The following CDH4 variants were observed in gnomAD, a reference collection of about 807,000 sequenced individuals.
The protein encoded by CDH4 is cadherin-4.
Under a neutral mutation model 86.0 loss-of-function variants are expected in CDH4, and 33 were observed. That is an observed-to-expected ratio of 0.38 (90% confidence interval 0.29 to 0.51). The LOEUF (loss-of-function observed/expected upper bound fraction) is 0.51. Among genes scored for constraint, CDH4 ranks in the 20% least tolerant of loss-of-function variants. The pLI is 0.86. For synonymous variants in CDH4, 555 were observed against 549.4 expected, an observed-to-expected ratio of 1.01 and a Z score of -0.14; for missense variants, 1,114 against 1,307.4, an observed-to-expected ratio of 0.85 and a Z score of 2.28.
At chr20:61,352,752 T>TC (rs1359057713) in intron 2 of CDH4, among the ~76,000 whole-genome samples, 4 of 151,892 alleles carry the variant, frequency 2.6e-5, no homozygotes, top group Admixed American at 6.6e-5. Flanking sequence ...TGCCATTCAC[T>TC]CCCCCCGGTC....
intron 2 of CDH4, among the ~76,000 whole-genome samples, chr20:61,602,882 G>A (rs905114853): frequency 1.3e-5 from 2 of 152,176 alleles, no homozygotes; most frequent in African/African-American, 4.8e-5. Flanking sequence ...TTACGGTTTC[G>A]CTTCTCAGTG....
In CDH4 at chr20:61,606,519, G is replaced by C. The variant is rs1419385599; in HGVS notation, c.170-137044G>C. On this transcript the variant is annotated intron_variant, in intron 2 of 15. Coordinates refer to ENST00000614565, the MANE Select transcript of CDH4 (RefSeq NM_001794.5). ...ATAGGGCCCACAAGTGCCCTGTCCT[G>C]TGAACACAGAGGTCCCTCTCCCTCT... 2.0e-5 allele frequency among the ~76,000 whole-genome samples: 3 copies of C among 152,336 alleles called. No homozygotes were observed. In the South Asian group the frequency reaches 6.2e-4, roughly 32 times the overall value.
intron 2 of CDH4, among the ~76,000 whole-genome samples, chr20:61,467,477 A>G (rs1009722974): frequency 6.6e-6 from 1 of 152,168 alleles, no homozygotes; most frequent in African/African-American, 2.4e-5. Flanking sequence ...TGGCAGTACA[A>G]TAGGCATGGT....
At chr20:61,396,276 G>A (rs1171572755) in intron 2 of CDH4, among the ~76,000 whole-genome samples, 1 of 152,092 alleles carries the variant, frequency 6.6e-6, no homozygotes, top group African/African-American at 2.4e-5. Flanking sequence ...TGGCTACATC[G>A]GAATTTCCAG....
chr20:61,485,053 T>C (rs978527798), intron 2 of CDH4, among the ~76,000 whole-genome samples: 1 of 152,194 alleles, frequency 6.6e-6, no homozygotes, highest in African/African-American at 2.4e-5. Context: ...ATTTCATCCC[T>C]TTCCAACGGC....
intron 2 of CDH4, among the ~76,000 whole-genome samples, chr20:61,670,821 A>T (rs2087378292): frequency 6.6e-6 from 1 of 152,116 alleles, no homozygotes; most frequent in Admixed American, 6.5e-5. Context: ...ACGGGATAGA[A>T]AGGAAGGAAG....
intron 2 of CDH4, among the ~76,000 whole-genome samples, chr20:61,530,578 C>A (rs1245335883): frequency 6.6e-6 from 1 of 152,118 alleles, no homozygotes; most frequent in Non-Finnish European, 1.5e-5. Flanking sequence ...TGGATGAAAG[C>A]CAGAGCAAGC....
intron 2 of CDH4, among the ~76,000 whole-genome samples, chr20:61,652,930 A>ATTTTTTTTTTT (rs1200927520): frequency 8.3e-5 from 9 of 108,094 alleles, no homozygotes; most frequent in African/African-American, 2.2e-4. Flanking sequence ...TTATTTATTT[A>ATTTTTTTTTTT]TTTATTTATT....
chr20:61,726,794 T>C (rs1728294621), intron 2 of CDH4, among the ~76,000 whole-genome samples: 1 of 146,518 alleles, frequency 6.8e-6, no homozygotes, highest in South Asian at 2.2e-4. Flanking sequence ...ATCGTCACCA[T>C]TGGTGCCATC....
chr20:61,648,032 C>A (rs1321862769), intron 2 of CDH4, among the ~76,000 whole-genome samples: 1 of 152,150 alleles, frequency 6.6e-6, no homozygotes, highest in Non-Finnish European at 1.5e-5. Flanking sequence ...AGACGCTTCC[C>A]AATTAGGGGC....
intron 4 of CDH4, among the ~76,000 whole-genome samples, chr20:61,820,319 G>A (rs1029915220): frequency 1.3e-5 from 2 of 152,184 alleles, no homozygotes; most frequent in Admixed American, 6.5e-5. Context: ...AATGCCCTGT[G>A]TCCGTGGGGG....
chr20:61,610,030 C>CA (rs1163110480), intron 2 of CDH4, among the ~76,000 whole-genome samples: 1 of 152,152 alleles, frequency 6.6e-6, no homozygotes, highest in Non-Finnish European at 1.5e-5. Flanking sequence ...TTGAAACATA[C>CA]AAAAAATGAT....
At chr20:61,734,607 G>A (rs1246670684) in intron 2 of CDH4, among the ~76,000 whole-genome samples, 1 of 152,186 alleles carries the variant, frequency 6.6e-6, no homozygotes, top group Non-Finnish European at 1.5e-5. Flanking sequence ...TTTGAATAGT[G>A]AGAATTCATC....
At chr20:61,436,135 G>T (rs73318343) in intron 2 of CDH4, among the ~76,000 whole-genome samples, 1 of 152,034 alleles carries the variant, frequency 6.6e-6, no homozygotes, top group Non-Finnish European at 1.5e-5. Flanking sequence ...TGCCCTCCTC[G>T]ACTAGGTCAG....
intron 2 of CDH4, among the ~76,000 whole-genome samples, chr20:61,332,134 C>T (rs1398170301): frequency 6.6e-6 from 1 of 152,208 alleles, no homozygotes; most frequent in Non-Finnish European, 1.5e-5. Context: ...AGAGGAGGGT[C>T]CTTCTCAGTC....
At chr20:61,397,882 C>T (rs6089455) in intron 2 of CDH4, among the ~76,000 whole-genome samples, 64,189 of 151,942 alleles carry the variant, frequency 0.42, 14,105 homozygotes, top group African/African-American at 0.53. Flanking sequence ...AGCATGAACG[C>T]TTGGCCGTAT....
intron 2 of CDH4, among the ~76,000 whole-genome samples, chr20:61,410,512 GTCATCCATCCAT>G (rs555755215): frequency 4.4e-4 from 48 of 108,256 alleles, no homozygotes; most frequent in African/African-American, 1.5e-3. Flanking sequence ...TGTTTATCCA[GTCATCCATCCAT>G]TCATCCATCC....
At chr20:61,798,271 G>A (rs1174434325) in intron 4 of CDH4, among the ~76,000 whole-genome samples, 3 of 152,192 alleles carry the variant, frequency 2.0e-5, no homozygotes, top group Non-Finnish European at 4.4e-5. Flanking sequence ...CAGAGGGGAG[G>A]GGGTGTGGTC....
intron 2 of CDH4, among the ~76,000 whole-genome samples, chr20:61,337,490 G>T (rs2084626041): frequency 6.6e-6 from 1 of 151,798 alleles, no homozygotes; most frequent in Non-Finnish European, 1.5e-5. Flanking sequence ...TGTTGACAAT[G>T]ACAATGATAA....
Sources: gnomAD v4.1 joint callset for allele counts (sites outside exome capture counted in the v4.1 genomes callset) on GRCh38, gnomAD v4.1.1 for gene constraint, MANE v1.5 for transcripts, NCBI Gene and HGNC (gene_info 2026-07-23, HGNC 2026-07-21) for gene names.